Variants in BPTF observed in about 807,000 individuals in gnomAD.
The protein encoded by BPTF is nucleosome-remodeling factor subunit BPTF.
A neutral mutation model predicts 292.5 loss-of-function variants in BPTF; 18 were observed. That is an observed-to-expected ratio of 0.06 (90% CI 0.04 to 0.09). The LOEUF is 0.09. Ranked by LOEUF, BPTF falls within the 10% of genes least tolerant of loss-of-function variation. The probability of loss-of-function intolerance (pLI) is 1.00; values close to 1 mark genes in which losing one functional copy is unlikely to be tolerated. For missense variants in BPTF, 2,726 were observed against 3,498.7 expected (o/e 0.78, Z 5.57); for synonymous variants, 1,225 against 1,251.9 (o/e 0.98, Z 0.45).
Position 67,828,633 on chromosome 17 carries a change from A to G in BPTF, c.613+2296A>G, listed in dbSNP as rs188637553. Among the ~76,000 whole-genome samples the G allele has an allele frequency of 1.7e-3, 252 of 152,282 alleles. 1 individual carries two copies. The highest frequency in any genetic ancestry group is 3.4e-3 in the Admixed American group (52 of 15,298). On this transcript the variant is annotated intron_variant, in intron 1 of 27. Transcript: ENST00000306378. ...AACCTCCACCTCCTGGGTTCAAGCAATTCTCCTGCCTCAGCCTCCCAAGTA... is the reference window on the plus strand; with the variant it reads ...AACCTCCACCTCCTGGGTTCAAGCAGTTCTCCTGCCTCAGCCTCCCAAGTA...
At chr17:67,954,961 C>T (rs2066779390) in intron 23 of BPTF, among the ~76,000 whole-genome samples, 1 of 152,102 alleles carries the variant, frequency 6.6e-6, no homozygotes, top group Non-Finnish European at 1.5e-5. Flanking sequence ...AAACCAGGGC[C>T]ATTCAGGTTT....
chr17:67,882,490 T>C (rs909802042), intron 4 of BPTF, among the ~76,000 whole-genome samples: 36 of 152,244 alleles, frequency 2.4e-4, no homozygotes, highest in African/African-American at 6.3e-4. Context: ...AATTCAGCTA[T>C]ATGTTTGCTT....
At position 67,878,122 on chromosome 17, in the gene BPTF, A is replaced by T. The variant is rs532992375; in HGVS notation, c.1864+3102A>T. ...CACCACTGATTGGTTTGCCTTTTTTAAAAAAATTACTGGAACCATACAGTA... is the reference window on the plus strand; with the variant it reads ...CACCACTGATTGGTTTGCCTTTTTTTAAAAAATTACTGGAACCATACAGTA... On this transcript the variant is annotated intron_variant, in intron 4 of 27. Transcript: ENST00000306378. Among the ~76,000 whole-genome samples, 9 of 152,298 alleles carry T rather than the reference A, an allele frequency of 5.9e-5. No homozygotes were observed. In the South Asian group the frequency reaches 1.5e-3, roughly 25 times the overall value.
chr17:67,940,717 TTAAA>T, intron 19 of BPTF, 61 bp downstream of exon 19: 1 of 1,521,436 alleles, frequency 6.6e-7, no homozygotes, highest in South Asian at 1.2e-5. Context: ...TGCGGTAAGT[TTAAA>T]AACATGAACT....
chr17:67,980,866 A>C (rs1555696363), intron 27 of BPTF, among the ~76,000 whole-genome samples: 2 of 152,234 alleles, frequency 1.3e-5, no homozygotes. Flanking sequence ...CTGCTTAAAT[A>C]AACAAATTAG....
chr17:67,908,890 A>G (rs1034136154), intron 9 of BPTF, among the ~76,000 whole-genome samples: 25 of 138,876 alleles, frequency 1.8e-4, no homozygotes, highest in African/African-American at 6.1e-4. Context: ...GCTGGAGTGC[A>G]GTGGCGTGAC....
At chr17:67,869,635 A>G (rs967457841) in intron 3 of BPTF, among the ~76,000 whole-genome samples, 2 of 152,096 alleles carry the variant, frequency 1.3e-5, no homozygotes, top group African/African-American at 2.4e-5. Context: ...TGCATTTCCT[A>G]CAATGAGCAT....
At chr17:67,869,255 A>G (rs1162346878) in intron 3 of BPTF, among the ~76,000 whole-genome samples, 6 of 152,200 alleles carry the variant, frequency 3.9e-5, no homozygotes, top group Non-Finnish European at 8.8e-5. Context: ...AGTACATTGA[A>G]TTAAAATATT....
At chr17:67,917,671 C>T (rs1215799643) in intron 11 of BPTF, among the ~76,000 whole-genome samples, 5 of 151,794 alleles carry the variant, frequency 3.3e-5, no homozygotes, top group Non-Finnish European at 5.9e-5. Flanking sequence ...TCACTCTTGT[C>T]GCCCAGGCTA....
At chr17:67,869,365 G>A (rs1482588324) in intron 3 of BPTF, among the ~76,000 whole-genome samples, 1 of 152,150 alleles carries the variant, frequency 6.6e-6, no homozygotes, top group Non-Finnish European at 1.5e-5. Context: ...AAACAGGAAT[G>A]GGTAATCAAG....
chr17:67,977,658 A>T (rs1401493349), intron 27 of BPTF: 1 of 151,606 alleles, frequency 6.6e-6, no homozygotes, highest in Non-Finnish European at 1.5e-5. Context: ...CCTGGCTAAC[A>T]CGGTGAAACC....
chr17:67,970,572 A>T (rs1194368356), intron 26 of BPTF, among the ~76,000 whole-genome samples: 1 of 152,218 alleles, frequency 6.6e-6, no homozygotes, highest in Non-Finnish European at 1.5e-5. Flanking sequence ...TTTATTTTCT[A>T]AGAGTACCTA....
At chr17:67,971,129 A>G (rs910038444) in intron 26 of BPTF, among the ~76,000 whole-genome samples, 28 of 152,100 alleles carry the variant, frequency 1.8e-4, no homozygotes, top group African/African-American at 6.8e-4. Context: ...CCCAGGCTGG[A>G]GTGCAGTGGC....
chr17:67,867,281 G>T (rs938951071), intron 3 of BPTF, among the ~76,000 whole-genome samples: 10 of 151,738 alleles, frequency 6.6e-5, no homozygotes, highest in African/African-American at 2.4e-4. Flanking sequence ...AACTTTTTTG[G>T]CATTCCAGTT....
chr17:67,901,099 T>A lies in BPTF; in HGVS notation c.2544-2690T>A, dbSNP rs953315733. On this transcript the variant is annotated intron_variant, in intron 7 of 27. Coordinates refer to ENST00000306378, the MANE Select transcript of BPTF (RefSeq NM_182641.4). ...AAATAGATGTTAGTGAAAAAGGTAC[T>A]AGATATTAAAGCACATTTTGAAGCT... 7.9e-5 allele frequency among the ~76,000 whole-genome samples: 12 copies of A among 152,162 alleles called. No individual in the cohort carries two copies. In the East Asian group the frequency reaches 2.1e-3, roughly 27 times the overall value.
chr17:67,894,277 T>A, intron 7 of BPTF, 112 bp downstream of exon 7: 1 of 1,099,600 alleles, frequency 9.1e-7, no homozygotes, highest in East Asian at 2.4e-5. Flanking sequence ...AGACTTTACT[T>A]TTGGCCTCAT....
chr17:67,971,855 A>G (rs1199668024), intron 26 of BPTF, among the ~76,000 whole-genome samples: 3 of 152,036 alleles, frequency 2.0e-5, no homozygotes, highest in Non-Finnish European at 4.4e-5. Flanking sequence ...GAGAAGAAAA[A>G]AATTACACGT....
intron 26 of BPTF, among the ~76,000 whole-genome samples, chr17:67,972,155 G>A (rs2068835019): frequency 6.6e-6 from 1 of 152,104 alleles, no homozygotes; most frequent in South Asian, 2.1e-4. Flanking sequence ...TTTTATGTAA[G>A]AGTTTCCTAT....
At chr17:67,971,827 C>CA (rs575119720) in intron 26 of BPTF, among the ~76,000 whole-genome samples, 21,573 of 82,884 alleles carry the variant, frequency 0.26, 2,499 homozygotes, top group East Asian at 0.71. Flanking sequence ...GACTCCATCT[C>CA]AAAAAAAAAA....
Sources: gnomAD v4.1 joint callset for allele counts (sites outside exome capture counted in the v4.1 genomes callset) on GRCh38, gnomAD v4.1.1 for gene constraint, MANE v1.5 for transcripts, NCBI Gene and HGNC (gene_info 2026-07-23, HGNC 2026-07-21) for gene names.